The following ANO1 variants were observed in gnomAD, a reference collection of about 807,000 sequenced individuals.
ANO1 encodes the protein anoctamin-1.
In ANO1, 59 loss-of-function variants were observed where a neutral mutation model predicts 124.0. That is an observed-to-expected ratio of 0.48 (90% CI 0.39 to 0.59). The LOEUF (loss-of-function observed/expected upper bound fraction) is 0.59, where lower values mean the gene tolerates loss of function less well. Among genes scored for constraint, ANO1 ranks in the 20% least tolerant of loss-of-function variants. ANO1 has a pLI of 0.00. For synonymous variants in ANO1, 529 were observed against 532.0 expected, an observed-to-expected ratio of 0.99 and a Z score of 0.08; for missense variants, 1,059 against 1,328.0, an observed-to-expected ratio of 0.80 and a Z score of 3.15.
In ANO1 at chr11:70,087,900, G is replaced by A. The variant is rs1367282856; in HGVS notation, c.257G>A (p.Ser86Asn). The A allele has an allele frequency of 4.3e-6, 7 of 1,611,050 alleles. No individual in the cohort carries two copies. In the Admixed American group the frequency reaches 5.0e-5, roughly 12 times the overall value. ...ACCCTGGTCAGGAGGGTGCAGCACAGCGACACCCCCTCTGGGGCTCGCAGC... is the reference window on the plus strand; with the variant it reads ...ACCCTGGTCAGGAGGGTGCAGCACAACGACACCCCCTCTGGGGCTCGCAGC... ...NRTLVRRVQH[S>N]DTPSGARSVK... is the part of the protein sequence containing the mutation. The change falls in exon 2 of 26, where the codon AGC (serine) becomes AAC (asparagine). Residue 86 changes from serine (S) to asparagine (N), a missense_variant. This residue lies in a region of ANO1 where 250 missense variants were observed against 233.1 expected (regional missense o/e 1.07). Transcript: ENST00000355303.
chr11:70,070,850 C>T (rs1408351821), intron 1 of ANO1, among the ~76,000 whole-genome samples: 2 of 152,218 alleles, frequency 1.3e-5, no homozygotes, highest in African/African-American at 4.8e-5. Flanking sequence ...TGAGCATCTC[C>T]TTCAGGGGTA....
At chr11:70,106,747 G>A (rs1422937450) in intron 5 of ANO1, among the ~76,000 whole-genome samples, 2 of 152,230 alleles carry the variant, frequency 1.3e-5, no homozygotes, top group African/African-American at 4.8e-5. Context: ...AGGGTTGGCT[G>A]AGGTTCTAGG....
chr11:69,987,251 C>T (rs996552440), intron 1 of ANO1, among the ~76,000 whole-genome samples: 5 of 152,188 alleles, frequency 3.3e-5, no homozygotes, highest in African/African-American at 1.2e-4. Flanking sequence ...GCTGTCCTGC[C>T]TTCCTGAGCG....
chr11:70,149,750 A>C lies in ANO1; in HGVS notation c.1299A>C (p.Arg433=). Residue 433 remains arginine (R), a synonymous_variant, in exon 12 of 26, where the codon CGA becomes CGC. Coordinates refer to ENST00000355303, the MANE Select transcript of ANO1 (RefSeq NM_018043.7). ...AGCACTGGAAGCGGAAACAGATGCG[A>C]CTCAACTACCGCTGGGACCTCACGG... ...FMEHWKRKQM[R]LNYRWDLTGF... is the part of the protein sequence containing the mutation. The C allele has an allele frequency of 6.2e-7, 1 of 1,613,470 alleles. No homozygotes were observed. The highest frequency in any genetic ancestry group is 8.5e-7 in the Non-Finnish European group (1 of 1,179,808).
chr11:69,989,569 T>C (rs1463253228), intron 1 of ANO1, among the ~76,000 whole-genome samples: 3 of 152,108 alleles, frequency 2.0e-5, no homozygotes, highest in Non-Finnish European at 4.4e-5. Flanking sequence ...CCAGGGCCAC[T>C]GGAACCATGG....
intron 2 of ANO1, among the ~76,000 whole-genome samples, chr11:70,098,133 C>A (rs2045090343): frequency 6.6e-6 from 1 of 152,244 alleles, no homozygotes. Context: ...AGCAGCCCCG[C>A]GTCCTCGTGG....
At chr11:70,147,148 C>G (rs911970625) in intron 11 of ANO1, among the ~76,000 whole-genome samples, 1 of 152,236 alleles carries the variant, frequency 6.6e-6, no homozygotes, top group African/African-American at 2.4e-5. Context: ...CAGAAAGCGT[C>G]GTAAAAGGGC....
intron 1 of ANO1, among the ~76,000 whole-genome samples, chr11:70,070,131 C>T (rs1857833989): frequency 6.6e-6 from 1 of 152,128 alleles, no homozygotes; most frequent in Non-Finnish European, 1.5e-5. Context: ...GAGTCAATGC[C>T]TTGGGGCTCA....
chr11:70,062,064 TTTC>T (rs1267449184), intron 1 of ANO1, among the ~76,000 whole-genome samples: 6 of 125,214 alleles, frequency 4.8e-5, no homozygotes, highest in Admixed American at 8.9e-5. Context: ...TCTTTCCTTC[TTTC>T]TTTTTTTTTT....
intron 1 of ANO1, among the ~76,000 whole-genome samples, chr11:70,025,506 A>G (rs1856878909): frequency 6.6e-6 from 1 of 150,684 alleles, no homozygotes; most frequent in Non-Finnish European, 1.5e-5. Context: ...GATGGCGATG[A>G]TGGTGGTGGT....
intron 5 of ANO1, 135 bp from the exon 6 acceptor site, chr11:70,108,218 T>C: frequency 1.3e-6 from 1 of 768,486 alleles, no homozygotes; most frequent in South Asian, 2.5e-5. Flanking sequence ...TGCCATTGTC[T>C]TTCCTTGGAA....
In ANO1 at chr11:70,107,498, C is replaced by CGTGG. The variant is rs2045602657; in HGVS notation, c.748-854_748-853insTGGG. Reference sequence around the variant, plus strand: ...GGTGGGTCCAGTGGAGGCGGCGGGGCGGGGAAGCGGTCAGATGGCCTGGGC... The same window carrying CGTGG: ...GGTGGGTCCAGTGGAGGCGGCGGGGCGTGGGGGGAAGCGGTCAGATGGCCTGGGC... On this transcript the variant is annotated intron_variant, in intron 5 of 25. Coordinates refer to ENST00000355303, the MANE Select transcript of ANO1 (RefSeq NM_018043.7). 2.6e-5 allele frequency among the ~76,000 whole-genome samples: 2 copies of CGTGG among 77,328 alleles called. 1 individual carries two copies. Among genetic ancestry groups the CGTGG allele is most frequent in the Non-Finnish European group, 5.8e-5 (2 of 34,598 alleles). The allele number at this position is 77,328 out of a possible 152,430, so 50.7% of individuals were successfully genotyped here. A position where few individuals can be genotyped will look rare whatever the true frequency, so the allele number is the denominator to read the frequency against.
At chr11:70,039,073 C>T (rs1349421365) in intron 1 of ANO1, among the ~76,000 whole-genome samples, 3 of 152,160 alleles carry the variant, frequency 2.0e-5, no homozygotes, top group Admixed American at 2.0e-4. Context: ...ACAGGCAAGA[C>T]ATCCCTGGTC....
chr11:70,056,793 C>T (rs1365823503), intron 1 of ANO1, among the ~76,000 whole-genome samples: 1 of 148,848 alleles, frequency 6.7e-6, no homozygotes, highest in Non-Finnish European at 1.5e-5. Context: ...GTTCAAAAGA[C>T]TTGGATGTCT....
At chr11:70,128,190 G>A (rs1021779044) in intron 10 of ANO1, among the ~76,000 whole-genome samples, 1 of 121,448 alleles carries the variant, frequency 8.2e-6, no homozygotes. Flanking sequence ...TCAAAGCTCT[G>A]AGGAATCTGG....
chr11:70,164,607 C>T (rs549179809), intron 19 of ANO1, among the ~76,000 whole-genome samples: 1 of 152,322 alleles, frequency 6.6e-6, no homozygotes, highest in South Asian at 2.1e-4. Flanking sequence ...TTTACTGTGC[C>T]TCAGGGGTCA....
the ANO1 span, among the ~76,000 whole-genome samples, chr11:69,969,577 T>C: frequency 6.6e-6 from 1 of 152,012 alleles, no homozygotes; most frequent in Non-Finnish European, 1.5e-5. Flanking sequence ...AAAGTGCATC[T>C]CTCCTGCCAA....
the ANO1 span, among the ~76,000 whole-genome samples, chr11:69,977,568 T>C: frequency 1.1e-4 from 17 of 152,344 alleles, no homozygotes; most frequent in Admixed American, 3.3e-4. Context: ...GGTGGAAGTG[T>C]GGCCCTTAGG....
chr11:70,152,412 C>CT, intron 12 of ANO1, 38 bp from the exon 13 acceptor site: 1 of 1,565,308 alleles, frequency 6.4e-7, no homozygotes, highest in South Asian at 1.1e-5. Context: ...GTAATGACAT[C>CT]TTTGTGTTTT....
Sources: allele counts gnomAD v4.1 joint callset (sites outside exome capture counted in the v4.1 genomes callset), GRCh38; gene constraint gnomAD v4.1.1; regional missense constraint gnomAD v4.1.1; transcripts MANE v1.5; gene names NCBI Gene and HGNC (gene_info 2026-07-23, HGNC 2026-07-21).